The following GALNT18 variants were observed in gnomAD, a reference collection of about 807,000 sequenced individuals.
The protein encoded by GALNT18 is GalNAc-transferase 18.
In GALNT18, 44 loss-of-function variants were observed where a neutral mutation model predicts 69.5. The observed-to-expected ratio is 0.63, with a 90% CI of 0.50 to 0.81. The LOEUF (loss-of-function observed/expected upper bound fraction) is 0.81. Among genes scored for constraint, GALNT18 ranks in the 40% least tolerant of loss-of-function variants. GALNT18 has a pLI of 0.00. For synonymous variants in GALNT18, 364 were observed against 318.2 expected (o/e 1.14, Z -1.53); for missense variants, 715 against 810.0 (o/e 0.88, Z 1.42).
rs1042968323 is a variant in GALNT18, at chr11:11,334,352, C to T, written c.1279-1521G>A. Among the ~76,000 whole-genome samples the T allele has an allele frequency of 2.6e-5, 4 of 151,950 alleles. No homozygotes were observed. The South Asian group carries it at 6.2e-4, about 24-fold the overall frequency. ...GGTCAGGAGTTTGAGACCATCCTGC[C>T]GAACATGGTGAAACCCCGTCTCTAC... On this transcript the variant is annotated intron_variant, in intron 7 of 10. Coordinates refer to ENST00000227756, the MANE Select transcript of GALNT18 (RefSeq NM_198516.3).
intron 10 of GALNT18, among the ~76,000 whole-genome samples, chr11:11,273,699 C>G (rs1209963952): frequency 6.6e-6 from 1 of 152,014 alleles, no homozygotes; most frequent in Non-Finnish European, 1.5e-5. Context: ...TGGGTATATA[C>G]CCAAAAGAAA....
intron 1 of GALNT18, among the ~76,000 whole-genome samples, chr11:11,544,242 A>G (rs1228976090): frequency 6.6e-6 from 1 of 152,212 alleles, no homozygotes; most frequent in Non-Finnish European, 1.5e-5. Context: ...CCCAACCTTC[A>G]GTACACACAA....
Position 11,310,410 on chromosome 11 carries a change from A to G in GALNT18, c.1512+16676T>C, listed in dbSNP as rs922607375. Among the ~76,000 whole-genome samples the G allele has an allele frequency of 2.0e-5, 3 of 152,236 alleles. 1 individual carries two copies. The South Asian group carries it at 6.2e-4, about 32-fold the overall frequency. ...ACCTGGAGTGCCCCAAGAAAATATGATTAGGTGACTTCTGAATGACCCAGC... is the reference window on the plus strand; with the variant it reads ...ACCTGGAGTGCCCCAAGAAAATATGGTTAGGTGACTTCTGAATGACCCAGC... On this transcript the variant is annotated intron_variant, in intron 9 of 10. Transcript: ENST00000227756.
At chr11:11,334,604 C>A (rs1281228330) in intron 7 of GALNT18, among the ~76,000 whole-genome samples, 3 of 151,308 alleles carry the variant, frequency 2.0e-5, no homozygotes, top group Non-Finnish European at 4.4e-5. Flanking sequence ...TTTTTGCCCA[C>A]AAGAGTTCAG....
At chr11:11,346,555 A>G (rs74674513) in intron 6 of GALNT18, among the ~76,000 whole-genome samples, 2,614 of 152,312 alleles carry the variant, frequency 0.017, 62 homozygotes, top group East Asian at 0.079. Context: ...AATGTCGTAA[A>G]ACCTAGGAAG....
intron 10 of GALNT18, among the ~76,000 whole-genome samples, chr11:11,274,843 G>A (rs558263511): frequency 1.3e-5 from 2 of 152,298 alleles, no homozygotes; most frequent in African/African-American, 4.8e-5. Context: ...AGTTTGCTGA[G>A]GATGATGGTT....
rs558389435 is a variant in GALNT18, at chr11:11,458,715, G to A, written c.236-9779C>T. On this transcript the variant is annotated intron_variant, in intron 1 of 10. Transcript: ENST00000227756. ...CATCATAAACAGCCGGAACAGCAGC[G>A]TTCAGCCTCAGCTGCCTTCAGCTTG... is the stretch of plus-strand genomic sequence containing the variant. 1.9e-3 allele frequency among the ~76,000 whole-genome samples: 290 copies of A among 152,352 alleles called. 1 individual carries two copies. Among genetic ancestry groups the A allele is most frequent in the African/African-American group, 6.3e-3 (264 of 41,584 alleles).
chr11:11,470,591 T>C lies in GALNT18; in HGVS notation c.236-21655A>G, dbSNP rs1173181041. ...TAGCTAATTTTGATCTTTTGATCTG[T>C]ATATGATTCCTGTCTACTACTAAGC... On this transcript the variant is annotated intron_variant, in intron 1 of 10. Coordinates refer to ENST00000227756, the MANE Select transcript of GALNT18 (RefSeq NM_198516.3). The surrounding 1 kb of genome is among the most constrained non-coding windows in gnomAD (Gnocchi z 4.8). 6.6e-6 allele frequency among the ~76,000 whole-genome samples: 1 copy of C among 152,166 alleles called. No homozygotes were observed. The highest frequency in any genetic ancestry group is 1.5e-5 in the Non-Finnish European group (1 of 68,018).
At position 11,613,324 on chromosome 11, in the gene GALNT18, T is replaced by C. The variant is rs750185081; in HGVS notation, c.235+8035A>G. Reference sequence around the variant, plus strand: ...GTCATTCCCAATCACTGCCACAACATACTGTGCTGTGGAGCAGTTGTGAGG... The same window carrying C: ...GTCATTCCCAATCACTGCCACAACACACTGTGCTGTGGAGCAGTTGTGAGG... On this transcript the variant is annotated intron_variant, in intron 1 of 10. Coordinates refer to ENST00000227756, the MANE Select transcript of GALNT18 (RefSeq NM_198516.3). This position sits in a 1 kb window ranked among gnomAD's most constrained non-coding sequence, Gnocchi z 4.2. 3.9e-5 allele frequency among the ~76,000 whole-genome samples: 6 copies of C among 152,150 alleles called. No individual in the cohort carries two copies. Among genetic ancestry groups the C allele is most frequent in the Admixed American group, 1.3e-4 (2 of 15,272 alleles).
chr11:11,481,949 T>G (rs1472481487), intron 1 of GALNT18, among the ~76,000 whole-genome samples: 1 of 152,240 alleles, frequency 6.6e-6, no homozygotes, highest in East Asian at 1.9e-4. Flanking sequence ...TTGAATTACC[T>G]ACCCCATTCC....
intron 9 of GALNT18, among the ~76,000 whole-genome samples, chr11:11,310,160 C>T (rs1253729039): frequency 1.3e-5 from 2 of 152,152 alleles, no homozygotes; most frequent in Non-Finnish European, 2.9e-5. Context: ...CATGTCCTCC[C>T]AGACATTCCA....
chr11:11,333,100 A>AG (rs1850048559), intron 7 of GALNT18, among the ~76,000 whole-genome samples: 1 of 151,754 alleles, frequency 6.6e-6, no homozygotes. Flanking sequence ...GAAAAAAAAA[A>AG]AAAGCTATAG....
intron 1 of GALNT18, among the ~76,000 whole-genome samples, chr11:11,484,747 C>T (rs963143392): frequency 9.9e-5 from 15 of 152,148 alleles, no homozygotes; most frequent in African/African-American, 3.6e-4. Context: ...ACTAGAAGGA[C>T]AGAACCCAAG....
intron 1 of GALNT18, among the ~76,000 whole-genome samples, chr11:11,572,628 G>A (rs901205463): frequency 6.6e-6 from 1 of 151,670 alleles, no homozygotes; most frequent in Non-Finnish European, 1.5e-5. Flanking sequence ...GACAGCATTG[G>A]GATGTGAAGT....
intron 10 of GALNT18, 44 bp from the exon 11 acceptor site, chr11:11,271,334 A>C (rs780507824): frequency 1.3e-6 from 2 of 1,589,112 alleles, no homozygotes; most frequent in Non-Finnish European, 8.6e-7. Flanking sequence ...CATAGAGGCA[A>C]CATGCAGAAA....
rs190721348 is a variant in GALNT18, at chr11:11,555,065, T to C, written c.235+66294A>G. 3.4e-3 allele frequency among the ~76,000 whole-genome samples: 522 copies of C among 152,334 alleles called. 2 individuals are homozygous for C. The highest frequency in any genetic ancestry group is 0.012 in the African/African-American group (500 of 41,576). On this transcript the variant is annotated intron_variant, in intron 1 of 10. Coordinates refer to ENST00000227756, the MANE Select transcript of GALNT18 (RefSeq NM_198516.3). This position sits in a 1 kb window ranked among gnomAD's most constrained non-coding sequence, Gnocchi z 4.7. The stretch of plus-strand genomic sequence containing the variant: ...TACCAACAACCCAATAAAGTGTCTA[T>C]CATTTCTGCCATTCTACAGTTGTGG...
At position 11,339,696 on chromosome 11, in the gene GALNT18, C is replaced by T. The variant is rs752370576; in HGVS notation, c.1278+1123G>A. ...GGCTGCACTCTGGCTGATATTTCTC[C>T]GCTCCTCATTCTTGCTCCCAACTGC... On this transcript the variant is annotated intron_variant, in intron 7 of 10. Transcript: ENST00000227756. This position sits in a 1 kb window ranked among gnomAD's most constrained non-coding sequence, Gnocchi z 5.2. Among the ~76,000 whole-genome samples, 6 of 152,156 alleles carry T rather than the reference C, an allele frequency of 3.9e-5. No individual in the cohort carries two copies. Among genetic ancestry groups the T allele is most frequent in the East Asian group, 1.9e-4 (1 of 5,184 alleles).
At position 11,531,154 on chromosome 11, in the gene GALNT18, T is replaced by A. The variant is rs1419628780; in HGVS notation, c.236-82218A>T. ...ACTACACGAGGATTTATTCTGAATA[T>A]GTGTAAATCCATAGCTGCCTTCAGC... On this transcript the variant is annotated intron_variant, in intron 1 of 10. Coordinates refer to ENST00000227756, the MANE Select transcript of GALNT18 (RefSeq NM_198516.3). Among the ~76,000 whole-genome samples the A allele has an allele frequency of 2.0e-5, 3 of 152,198 alleles. No homozygotes were observed. The South Asian group carries it at 6.2e-4, about 32-fold the overall frequency.
Position 11,619,705 on chromosome 11 carries a change from C to T in GALNT18, c.235+1654G>A, listed in dbSNP as rs995672340. On this transcript the variant is annotated intron_variant, in intron 1 of 10. Coordinates refer to ENST00000227756, the MANE Select transcript of GALNT18 (RefSeq NM_198516.3). This position sits in a 1 kb window ranked among gnomAD's most constrained non-coding sequence, Gnocchi z 4.9. ...GTGTCTCCTGGGGAACATTCTGAAT[C>T]ACCCTGGGGGAAACACTGTACTTCT... is the stretch of plus-strand genomic sequence containing the variant. Among the ~76,000 whole-genome samples the T allele has an allele frequency of 1.3e-5, 2 of 152,196 alleles. No individual in the cohort carries two copies. Among genetic ancestry groups the T allele is most frequent in the African/African-American group, 2.4e-5 (1 of 41,444 alleles).
Sources: gnomAD v4.1 joint callset for allele counts (sites outside exome capture counted in the v4.1 genomes callset) on GRCh38, gnomAD v4.1.1 for gene constraint, Gnocchi (gnomAD v3.1) non-coding constraint, MANE v1.5 for transcripts, NCBI Gene and HGNC (gene_info 2026-07-23, HGNC 2026-07-21) for gene names.